The following EBF2 variants were observed in gnomAD, a reference collection of about 807,000 sequenced individuals.
EBF2 encodes EBF transcription factor 2, also known as transcription factor COE2.
Under a neutral mutation model 72.8 loss-of-function variants are expected in EBF2, and 21 were observed. The observed-to-expected ratio is 0.29, with a 90% CI of 0.20 to 0.42. EBF2 has a LOEUF of 0.42. Among genes scored for constraint, EBF2 ranks in the 10% least tolerant of loss-of-function variants. The pLI is 1.00. For missense variants in EBF2, 637 were observed against 731.2 expected, an observed-to-expected ratio of 0.87 and a Z score of 1.49; for synonymous variants, 299 against 274.2, an observed-to-expected ratio of 1.09 and a Z score of -0.89.
intron 6 of EBF2, among the ~76,000 whole-genome samples, chr8:25,991,137 C>A (rs993596073): frequency 1.3e-5 from 2 of 152,078 alleles, no homozygotes; most frequent in African/African-American, 2.4e-5. Flanking sequence ...GATGCTGTTT[C>A]TTTTGCAAAC....
chr8:25,861,812 C>T (rs1056962869), intron 11 of EBF2, among the ~76,000 whole-genome samples: 1 of 152,180 alleles, frequency 6.6e-6, no homozygotes. Flanking sequence ...ATCTTGGCAA[C>T]GTCTGCTGCA....
chr8:25,888,341 A>G (rs150558794), intron 8 of EBF2, among the ~76,000 whole-genome samples: 64 of 152,346 alleles, frequency 4.2e-4, no homozygotes, highest in African/African-American at 1.4e-3. Context: ...TTGACTTGCC[A>G]TCATTCCCTA....
In EBF2 at chr8:25,954,167, A is replaced by G. The variant is rs187315910; in HGVS notation, c.552-45612T>C. Among the ~76,000 whole-genome samples the G allele has an allele frequency of 1.0e-3, 158 of 152,292 alleles. 2 individuals carry two copies. Among genetic ancestry groups the G allele is most frequent in the South Asian group, 2.9e-3 (14 of 4,828 alleles). ...GCTATATTCTAGTCATATTAAGGGT[A>G]TGTGTGGGAGAGAGAAGGATGGCAG... is the stretch of plus-strand genomic sequence containing the variant. On this transcript the variant is annotated intron_variant, in intron 6 of 15. Coordinates refer to ENST00000520164, the MANE Select transcript of EBF2 (RefSeq NM_022659.4).
intron 6 of EBF2, among the ~76,000 whole-genome samples, chr8:25,990,188 T>TACACACACACACACAC (rs60406400): frequency 1.4e-5 from 2 of 146,268 alleles, no homozygotes; most frequent in East Asian, 4.0e-4. Context: ...CTATGGGTTA[T>TACACACACACACACAC]ACACACACAC....
At chr8:25,966,350 C>T (rs1388941322) in intron 6 of EBF2, among the ~76,000 whole-genome samples, 1 of 152,222 alleles carries the variant, frequency 6.6e-6, no homozygotes, top group Non-Finnish European at 1.5e-5. Flanking sequence ...TTGCAGGGCA[C>T]TGCTTTTCTT....
At position 25,869,578 on chromosome 8, in the gene EBF2, G is replaced by A. The variant is rs139800331; in HGVS notation, c.1010-6781C>T. On this transcript the variant is annotated intron_variant, in intron 10 of 15. Transcript: ENST00000520164. ...GTATCCTCTAATATATTTTGGGGGTGGGGGCCGATTAAACACTTGCACTCA... is the reference window on the plus strand; with the variant it reads ...GTATCCTCTAATATATTTTGGGGGTAGGGGCCGATTAAACACTTGCACTCA... 7.9e-3 allele frequency among the ~76,000 whole-genome samples: 1,198 copies of A among 152,132 alleles called. 15 individuals carry two copies. The highest frequency in any genetic ancestry group is 0.027 in the African/African-American group (1,138 of 41,492).
intron 6 of EBF2, among the ~76,000 whole-genome samples, chr8:25,939,696 G>A (rs1301789464): frequency 6.6e-6 from 1 of 152,132 alleles, no homozygotes; most frequent in Non-Finnish European, 1.5e-5. Flanking sequence ...CCCTCTATGT[G>A]ACCAGGGACA....
intron 10 of EBF2, among the ~76,000 whole-genome samples, chr8:25,866,883 C>T (rs989743174): frequency 6.6e-6 from 1 of 151,764 alleles, no homozygotes; most frequent in African/African-American, 2.4e-5. Context: ...CCACCCATCT[C>T]GGCCTCCCAA....
At chr8:25,929,811 C>A (rs1803451669) in intron 6 of EBF2, among the ~76,000 whole-genome samples, 2 of 151,948 alleles carry the variant, frequency 1.3e-5, no homozygotes, top group South Asian at 4.2e-4. Context: ...TGGCACAGAT[C>A]CGGGTATCAG....
At chr8:26,013,739 T>A (rs6557872) in intron 6 of EBF2, among the ~76,000 whole-genome samples, 148,167 of 152,204 alleles carry the variant, frequency 0.97, 72,138 homozygotes, top group East Asian at 1. Context: ...GACTCCATGC[T>A]ATCTTGTATC....
At position 26,044,417 on chromosome 8, in the gene EBF2, G is replaced by A. The variant is rs1248927614; in HGVS notation, c.131+312C>T. 6.6e-6 allele frequency among the ~76,000 whole-genome samples: 1 copy of A among 152,268 alleles called. No homozygotes were observed. The highest frequency in any genetic ancestry group is 1.5e-5 in the Non-Finnish European group (1 of 68,054). On this transcript the variant is annotated intron_variant, in intron 1 of 15. Coordinates refer to ENST00000520164, the MANE Select transcript of EBF2 (RefSeq NM_022659.4). This position sits in a 1 kb window ranked among gnomAD's most constrained non-coding sequence, Gnocchi z 4.1. ...GGGGCCAGGCCGGCTCGGCTTGCAGGACTAGGGGCTGAGCTGGGAGATGTT... is the reference window on the plus strand; with the variant it reads ...GGGGCCAGGCCGGCTCGGCTTGCAGAACTAGGGGCTGAGCTGGGAGATGTT...
chr8:25,986,620 C>A (rs1158203105), intron 6 of EBF2, among the ~76,000 whole-genome samples: 1 of 152,070 alleles, frequency 6.6e-6, no homozygotes, highest in African/African-American at 2.4e-5. Context: ...TTTTGTAAAT[C>A]TTTTTCAATT....
intron 6 of EBF2, among the ~76,000 whole-genome samples, chr8:26,017,304 A>G (rs1215532965): frequency 1.3e-5 from 2 of 152,180 alleles, no homozygotes; most frequent in African/African-American, 2.4e-5. Context: ...CTGTGACTAG[A>G]TGGTAAGAGA....
Position 26,045,329 on chromosome 8 carries a change from GA to G in EBF2, c.-471del, listed in dbSNP as rs1805686178. 1 of 152,298 alleles carries G rather than the reference GA, an allele frequency of 6.6e-6. No individual in the cohort carries two copies. Among genetic ancestry groups the G allele is most frequent in the Non-Finnish European group, 1.5e-5 (1 of 68,176 alleles). 9.4% of individuals were successfully genotyped at this position (152,298 alleles called of 1,614,324 possible). The stretch of plus-strand genomic sequence containing the variant: ...GTTGTAAAAAGAAGGGGAAGACCTG[GA>G]GCCGAGAGGAGGCGGTGGCTGCGAG... On this transcript the variant is annotated 5_prime_UTR_variant, in exon 1 of 16. The change abolishes the stop of an existing upstream ORF in the 5' untranslated region. Transcript: ENST00000520164.
At chr8:25,976,795 G>C (rs950540891) in intron 6 of EBF2, among the ~76,000 whole-genome samples, 3 of 151,924 alleles carry the variant, frequency 2.0e-5, no homozygotes, top group Non-Finnish European at 4.4e-5. Context: ...GGTAAACATG[G>C]ACTCTTAAGC....
chr8:25,971,304 C>G (rs1473475870), intron 6 of EBF2, among the ~76,000 whole-genome samples: 1 of 152,164 alleles, frequency 6.6e-6, no homozygotes, highest in Non-Finnish European at 1.5e-5. Flanking sequence ...GCCAATACCT[C>G]CTGTCACCAA....
intron 10 of EBF2, among the ~76,000 whole-genome samples, chr8:25,879,575 C>A (rs1405471145): frequency 6.6e-6 from 1 of 152,164 alleles, no homozygotes; most frequent in Non-Finnish European, 1.5e-5. Flanking sequence ...ATACCAGAAG[C>A]TCTACATGCA....
chr8:26,040,118 G>A lies in EBF2; in HGVS notation c.409-17C>T. 3.1e-6 allele frequency: 5 copies of A among 1,612,944 alleles called. No homozygotes were observed. Among genetic ancestry groups the A allele is most frequent in the Non-Finnish European group, 4.2e-6 (5 of 1,179,120 alleles). On this transcript the variant is annotated splice_polypyrimidine_tract_variant and intron_variant, in intron 4 of 15. Transcript: ENST00000520164. ...AGCGATGGGCTGTGAAGGAGGTAGTGGCAGGAAAGGAAGATGTGGAGAGGG... is the reference window on the plus strand; with the variant it reads ...AGCGATGGGCTGTGAAGGAGGTAGTAGCAGGAAAGGAAGATGTGGAGAGGG...
In EBF2 at chr8:25,993,915, G is replaced by A. The variant is rs140476301; in HGVS notation, c.551+39170C>T. ...GAATATACTGGGCAATGTCTAAATAGTTAGAAAAGGATATGGCCTAAGAGT... is the reference window on the plus strand; with the variant it reads ...GAATATACTGGGCAATGTCTAAATAATTAGAAAAGGATATGGCCTAAGAGT... On this transcript the variant is annotated intron_variant, in intron 6 of 15. Transcript: ENST00000520164. Among the ~76,000 whole-genome samples the A allele has an allele frequency of 9.0e-4, 137 of 152,210 alleles. 1 individual carries two copies. The highest frequency in any genetic ancestry group is 3.1e-3 in the African/African-American group (130 of 41,542).
Sources: allele counts gnomAD v4.1 joint callset (sites outside exome capture counted in the v4.1 genomes callset), GRCh38; gene constraint gnomAD v4.1.1; non-coding constraint Gnocchi (gnomAD v3.1); transcripts MANE v1.5; gene names NCBI Gene and HGNC (gene_info 2026-07-23, HGNC 2026-07-21).